Variants in EML5 observed in about 807,000 individuals in gnomAD.
EML5 encodes the protein echinoderm microtubule-associated protein-like 5.
In EML5, 120 loss-of-function variants were observed where a neutral mutation model predicts 250.0. That is an observed-to-expected ratio of 0.48 (90% CI 0.41 to 0.56). The LOEUF (loss-of-function observed/expected upper bound fraction) is 0.56, where lower values mean the gene tolerates loss of function less well. Among genes scored for constraint, EML5 ranks in the 20% least tolerant of loss-of-function variants. EML5 has a pLI of 0.00. For synonymous variants in EML5, 771 were observed against 806.5 expected (o/e 0.96, Z 0.75); for missense variants, 2,006 against 2,437.6 (o/e 0.82, Z 3.73).
At chr14:88,747,193 C>T (rs1016484965) in intron 2 of EML5, among the ~76,000 whole-genome samples, 1 of 151,980 alleles carries the variant, frequency 6.6e-6, no homozygotes, top group Non-Finnish European at 1.5e-5. Flanking sequence ...AGGTGGATTG[C>T]TTGAGGCCAG....
At position 88,715,196 on chromosome 14, in the gene EML5, CTGTT is replaced by C. The variant is rs1317018957; in HGVS notation, c.1188-5_1188-2del. 6.3e-7 allele frequency: 1 copy of C among 1,576,078 alleles called. No homozygotes were observed. Among genetic ancestry groups the C allele is most frequent in the African/African-American group, 1.4e-5 (1 of 73,950 alleles). ...AATATGTACAACTTCCGTCATATCTCTGTTAAAAAGAAAAAAATGAGACTACATG... is the reference window on the plus strand; with the variant it reads ...AATATGTACAACTTCCGTCATATCTCAAAAAGAAAAAAATGAGACTACATG... On this transcript the variant is annotated splice_acceptor_variant and splice_polypyrimidine_tract_variant and intron_variant, in intron 8 of 43. Transcript: ENST00000554922. LOFTEE classifies it high-confidence loss of function.
chr14:88,712,607 A>T (rs1368136968), intron 9 of EML5, 124 bp from the exon 10 acceptor site: 1 of 664,054 alleles, frequency 1.5e-6, no homozygotes, highest in African/African-American at 1.8e-5. Context: ...TTAGAGGAAA[A>T]TACATAAATA....
At chr14:88,673,804 G>C (rs773182857) in intron 21 of EML5, among the ~76,000 whole-genome samples, 1 of 152,068 alleles carries the variant, frequency 6.6e-6, no homozygotes, top group Non-Finnish European at 1.5e-5. Context: ...AAAATACCTA[G>C]GAATATAGTT....
intron 17 of EML5, among the ~76,000 whole-genome samples, chr14:88,693,763 C>CT (rs71127002): frequency 0.015 from 960 of 62,868 alleles, 90 homozygotes; most frequent in African/African-American, 0.045. Flanking sequence ...ATGTTAACAT[C>CT]TTTTTTTTTT....
chr14:88,786,105 C>A (rs1566803452), intron 1 of EML5, among the ~76,000 whole-genome samples: 1 of 152,120 alleles, frequency 6.6e-6, no homozygotes, highest in East Asian at 1.9e-4. Context: ...ATTTGATAGT[C>A]CCTTTACTTA....
At position 88,696,820 on chromosome 14, in the gene EML5, T is replaced by TC. The variant is rs1448338284; in HGVS notation, c.2344+26dup. Reference sequence around the variant, plus strand: ...TGTGTTGCCTCTGCATTTTGTTAATTCTTACTGAGACAGCAAACAGCCTTA... The same window carrying TC: ...TGTGTTGCCTCTGCATTTTGTTAATTCCTTACTGAGACAGCAAACAGCCTTA... On this transcript the variant is annotated intron_variant, in intron 15 of 43. Transcript: ENST00000554922. 1.3e-6 allele frequency: 2 copies of TC among 1,537,522 alleles called. 1 individual carries two copies. Among genetic ancestry groups the TC allele is most frequent in the African/African-American group, 2.8e-5 (2 of 72,492 alleles).
Position 88,758,019 on chromosome 14 carries a change from A to ATTT in EML5, c.198-3351_198-3349dup, listed in dbSNP as rs59074536. 2.6e-4 allele frequency among the ~76,000 whole-genome samples: 34 copies of ATTT among 129,232 alleles called. 1 individual carries two copies. The East Asian group carries it at 5.1e-3, about 19-fold the overall frequency. The allele number at this position is 129,232 out of a possible 152,430, so 84.8% of individuals were successfully genotyped here. On this transcript the variant is annotated intron_variant, in intron 1 of 43. Transcript: ENST00000554922. ...AGGTGGGTGCCACCACACCTGTCTAATTTTTTTTTTTTTTTTTTGTAGAGA... is the reference window on the plus strand; with the variant it reads ...AGGTGGGTGCCACCACACCTGTCTAATTTTTTTTTTTTTTTTTTTTTGTAGAGA...
intron 33 of EML5, among the ~76,000 whole-genome samples, chr14:88,631,629 G>T (rs1043995435): frequency 2.6e-5 from 4 of 152,190 alleles, no homozygotes; most frequent in Non-Finnish European, 5.9e-5. Context: ...AGTTAGCTGG[G>T]CGTGGTGGCA....
intron 36 of EML5, 98 bp from the exon 37 acceptor site, chr14:88,622,816 A>T (rs77916006): frequency 8.2e-4 from 369 of 450,890 alleles, no homozygotes; most frequent in African/African-American, 4.4e-3. Flanking sequence ...TTTTTTTTTT[A>T]AAAAGGCCCT....
intron 20 of EML5, 72 bp downstream of exon 20, chr14:88,684,943 C>A: frequency 7.6e-7 from 1 of 1,307,600 alleles, no homozygotes; most frequent in South Asian, 1.8e-5. Flanking sequence ...TCACTGTCAA[C>A]TTTTGGCTCT....
At chr14:88,693,584 C>A (rs1301707587) in intron 17 of EML5, among the ~76,000 whole-genome samples, 1 of 152,076 alleles carries the variant, frequency 6.6e-6, no homozygotes, top group Non-Finnish European at 1.5e-5. Context: ...ATATCAACTA[C>A]ATAAATGCAG....
chr14:88,646,659 T>C (rs1346524821), intron 29 of EML5, among the ~76,000 whole-genome samples: 2 of 152,166 alleles, frequency 1.3e-5, no homozygotes, highest in Admixed American at 6.5e-5. Context: ...TTTTAATTTT[T>C]ATAAATATCA....
chr14:88,689,482 A>G (rs1206082254), intron 17 of EML5, among the ~76,000 whole-genome samples: 3 of 152,206 alleles, frequency 2.0e-5, no homozygotes, highest in Non-Finnish European at 4.4e-5. Context: ...TCACATTTTC[A>G]TATTTTTACT....
chr14:88,693,190 T>C (rs2092998941), intron 17 of EML5, among the ~76,000 whole-genome samples: 1 of 152,222 alleles, frequency 6.6e-6, no homozygotes, highest in Admixed American at 6.5e-5. Flanking sequence ...ATTTGATTAA[T>C]CTCATATATT....
chr14:88,715,465 G>C (rs1423136014), intron 8 of EML5, among the ~76,000 whole-genome samples: 1 of 152,034 alleles, frequency 6.6e-6, no homozygotes, highest in Non-Finnish European at 1.5e-5. Flanking sequence ...AATTTCTGGA[G>C]TTAATAAAGA....
At chr14:88,759,677 C>T (rs1056672726) in intron 1 of EML5, among the ~76,000 whole-genome samples, 5 of 71,902 alleles carry the variant, frequency 7.0e-5, no homozygotes, top group Admixed American at 1.5e-4. Context: ...GGGCAAGTCA[C>T]CATCTCTTAA....
At chr14:88,708,632 A>C (rs1023736324) in intron 10 of EML5, among the ~76,000 whole-genome samples, 1 of 152,266 alleles carries the variant, frequency 6.6e-6, no homozygotes, top group Admixed American at 6.5e-5. Flanking sequence ...CCTATAATGC[A>C]CAGAAGAGGG....
At chr14:88,664,727 G>T in intron 22 of EML5, 103 bp from the exon 23 acceptor site, 1 of 1,146,690 alleles carries the variant, frequency 8.7e-7, no homozygotes, top group Non-Finnish European at 1.2e-6. Context: ...AGAAATCTTA[G>T]CTGTTTCATA....
intron 28 of EML5, among the ~76,000 whole-genome samples, chr14:88,649,420 C>G (rs538625660): frequency 6.6e-6 from 1 of 152,128 alleles, no homozygotes; most frequent in Non-Finnish European, 1.5e-5. Context: ...GAAACTCTTT[C>G]AAGACATTTT....
Sources: gnomAD v4.1 joint callset for allele counts (sites outside exome capture counted in the v4.1 genomes callset) on GRCh38, gnomAD v4.1.1 for gene constraint, MANE v1.5 for transcripts, NCBI Gene and HGNC (gene_info 2026-07-23, HGNC 2026-07-21) for gene names.